The following ZCCHC4 variants were observed in gnomAD, a reference collection of about 807,000 sequenced individuals.
ZCCHC4 encodes zinc finger CCHC-type containing 4, also known as rRNA N(6)-adenosine-methyltransferase ZCCHC4.
In ZCCHC4, 54 loss-of-function variants were observed where a neutral mutation model predicts 67.7. The ratio of observed to expected loss-of-function variants is 0.80; its 90% confidence interval spans 0.64 to 1.00. ZCCHC4 has a LOEUF of 1.00. Ranked by LOEUF, ZCCHC4 falls within the 50% of genes least tolerant of loss-of-function variation. The pLI is 0.00. For missense variants in ZCCHC4, 609 were observed against 617.0 expected (o/e 0.99, Z 0.14); for synonymous variants, 198 against 213.5 (o/e 0.93, Z 0.63).
At chr4:25,360,809 G>T (rs1720700747) in intron 8 of ZCCHC4, among the ~76,000 whole-genome samples, 3 of 152,208 alleles carry the variant, frequency 2.0e-5, no homozygotes, top group African/African-American at 4.8e-5. Flanking sequence ...GGGGGGGCAT[G>T]ATACACAGAT....
chr4:25,351,580 A>T lies in ZCCHC4; in HGVS notation c.911-9A>T. On this transcript the variant is annotated splice_polypyrimidine_tract_variant and intron_variant, in intron 7 of 12. Transcript: ENST00000302874. ...TTACTATTATTTTTTCCTTTTTGTG[A>T]TCCATTAGATGACAGTCACAAAGAA... The T allele has an allele frequency of 1.3e-6, 2 of 1,567,354 alleles. No homozygotes were observed. Among genetic ancestry groups the T allele is most frequent in the African/African-American group, 1.4e-5 (1 of 72,966 alleles).
rs1454906924 is a variant in ZCCHC4 at position 25,364,677 on chromosome 4, G to A, written c.1261+172G>A. Among the ~76,000 whole-genome samples the A allele has an allele frequency of 3.9e-5, 6 of 151,978 alleles. No individual in the cohort carries two copies. The South Asian group carries it at 6.2e-4, about 16-fold the overall frequency. ...CAGCATGTATGTTCTGCCATGTTCC[G>A]CCTTGCATGAGAGATGATTGCTAAC... On this transcript the variant is annotated intron_variant, in intron 11 of 12. Transcript: ENST00000302874.
chr4:25,347,675 G>T (rs1720088162), intron 6 of ZCCHC4, among the ~76,000 whole-genome samples: 1 of 152,188 alleles, frequency 6.6e-6, no homozygotes, highest in Non-Finnish European at 1.5e-5. Flanking sequence ...TGTCCAGGGT[G>T]CTTAGGAGAA....
chr4:25,366,495 T>G (rs1348359115), intron 12 of ZCCHC4, among the ~76,000 whole-genome samples: 1 of 152,060 alleles, frequency 6.6e-6, no homozygotes, highest in African/African-American at 2.4e-5. Context: ...TTTTGTATTT[T>G]TTAGTAGAGA....
intron 7 of ZCCHC4, among the ~76,000 whole-genome samples, chr4:25,350,182 A>G (rs1720224026): frequency 6.7e-6 from 1 of 148,888 alleles, no homozygotes; most frequent in African/African-American, 2.5e-5. Context: ...CCCTATAGGT[A>G]GGCTAGTGGC....
At chr4:25,365,350 A>G in intron 12 of ZCCHC4, 184 bp downstream of exon 12, 1 of 1,401,038 alleles carries the variant, frequency 7.1e-7, no homozygotes, top group Non-Finnish European at 9.3e-7. Flanking sequence ...CTTGCTTTCA[A>G]AGAGCTTACA....
intron 3 of ZCCHC4, among the ~76,000 whole-genome samples, chr4:25,320,322 G>C (rs1275712871): frequency 6.6e-6 from 1 of 152,020 alleles, no homozygotes; most frequent in Non-Finnish European, 1.5e-5. Context: ...ATTAATTTAT[G>C]TGCATCCAAA....
chr4:25,325,303 C>CTTTTTTT (rs1450814763), intron 3 of ZCCHC4, among the ~76,000 whole-genome samples: 3 of 115,014 alleles, frequency 2.6e-5, no homozygotes, highest in African/African-American at 8.1e-5. Context: ...TTTTCACTCT[C>CTTTTTTT]TCTTTTTTTT....
chr4:25,336,827 G>T (rs1719484889), intron 5 of ZCCHC4, among the ~76,000 whole-genome samples: 1 of 152,076 alleles, frequency 6.6e-6, no homozygotes, highest in Non-Finnish European at 1.5e-5. Context: ...TTCAGGCCTT[G>T]CCCTGACTCA....
At chr4:25,334,061 T>C in intron 5 of ZCCHC4, 73 bp downstream of exon 5, 3 of 1,026,748 alleles carry the variant, frequency 2.9e-6, no homozygotes, top group Non-Finnish European at 2.8e-6. Flanking sequence ...TTTTTAATTG[T>C]TTATACTCTG....
intron 3 of ZCCHC4, among the ~76,000 whole-genome samples, chr4:25,321,468 G>T (rs1025022349): frequency 7.2e-5 from 11 of 152,152 alleles, no homozygotes; most frequent in African/African-American, 2.2e-4. Context: ...CACTTCTGGG[G>T]TTCAAGCGAC....
intron 5 of ZCCHC4, among the ~76,000 whole-genome samples, chr4:25,344,963 T>A (rs1371398631): frequency 6.6e-6 from 1 of 152,112 alleles, no homozygotes; most frequent in Non-Finnish European, 1.5e-5. Context: ...TCACCACGCC[T>A]GGCTAATTTT....
At chr4:25,356,556 CT>C (rs912082095) in intron 8 of ZCCHC4, among the ~76,000 whole-genome samples, 6 of 150,490 alleles carry the variant, frequency 4.0e-5, no homozygotes, top group African/African-American at 1.2e-4. Context: ...AGAAATTGTT[CT>C]TTTTTTTTCC....
chr4:25,326,630 GTCT>G (rs1206557880), intron 3 of ZCCHC4, among the ~76,000 whole-genome samples: 1 of 152,018 alleles, frequency 6.6e-6, no homozygotes, highest in African/African-American at 2.4e-5. Flanking sequence ...GGTAGTGTAA[GTCT>G]TCTTTGTCCA....
Position 25,333,199 on chromosome 4 carries a change from G to A in ZCCHC4, c.346G>A (p.Glu116Lys), listed in dbSNP as rs754508164. ...GTCTTGAAGGTACTTGAAGTTTATT[G>A]AGTTGCCCTTGACTCAGAGAAAGTT... ...QCVERYLKFI[E>K]LPLTQRKFCQ... The change falls in exon 4 of 13, where the codon GAG becomes AAG. Residue 116 changes from glutamate to lysine, a missense_variant. Glu to Lys is a moderately conservative substitution (Grantham distance 56). Coordinates refer to ENST00000302874, the MANE Select transcript of ZCCHC4 (RefSeq NM_024936.3). The A allele has an allele frequency of 6.2e-7, 1 of 1,613,250 alleles. No homozygotes were observed. Among genetic ancestry groups the A allele is most frequent in the Non-Finnish European group, 8.5e-7 (1 of 1,179,382 alleles).
intron 3 of ZCCHC4, among the ~76,000 whole-genome samples, chr4:25,325,303 CTCTTTT>C (rs563140585): frequency 6.1e-5 from 7 of 115,096 alleles, no homozygotes; most frequent in African/African-American, 1.9e-4. Context: ...TTTTCACTCT[CTCTTTT>C]TTTTTTTTTT....
At chr4:25,363,581 A>C (rs1034073688) in intron 10 of ZCCHC4, among the ~76,000 whole-genome samples, 2 of 152,248 alleles carry the variant, frequency 1.3e-5, no homozygotes, top group Non-Finnish European at 2.9e-5. Flanking sequence ...AGAAGAGGCT[A>C]CATTTATATA....
At position 25,349,535 on chromosome 4, in the gene ZCCHC4, G is replaced by A. The variant is rs371535069; in HGVS notation, c.803G>A (p.Gly268Asp). 1.2e-6 allele frequency: 2 copies of A among 1,613,856 alleles called. No homozygotes were observed. The highest frequency in any genetic ancestry group is 1.3e-5 in the African/African-American group (1 of 74,900). Residue 268 changes from glycine to aspartate, a missense_variant, in exon 7 of 13, where the codon GGC becomes GAC. Transcript: ENST00000302874. ...AGAGCATTTTTACAGGAAGATAAAG[G>A]CGAAGGAATCATTATGGTGACGGAT... The part of the protein sequence containing the change: ...VCRAFLQEDK[G>D]EGIIMVTDPP...
At chr4:25,313,775 A>T (rs1718088364) in intron 1 of ZCCHC4, among the ~76,000 whole-genome samples, 2 of 152,086 alleles carry the variant, frequency 1.3e-5, no homozygotes, top group Non-Finnish European at 2.9e-5. Context: ...CTGAGGCGGG[A>T]GAATCGCTTG....
Sources: gnomAD v4.1 joint callset for allele counts (sites outside exome capture counted in the v4.1 genomes callset) on GRCh38, gnomAD v4.1.1 for gene constraint, MANE v1.5 for transcripts, NCBI Gene and HGNC (gene_info 2026-07-23, HGNC 2026-07-21) for gene names.